Variants in CIT observed in about 807,000 individuals in gnomAD.
CIT encodes the protein citron rho-interacting serine/threonine kinase.
CIT carries 79 observed loss-of-function variants against 272.7 expected under a neutral mutation model. The ratio of observed to expected loss-of-function variants is 0.29; its 90% confidence interval spans 0.24 to 0.35. The LOEUF (loss-of-function observed/expected upper bound fraction) is 0.35. Ranked by LOEUF, CIT falls within the 10% of genes least tolerant of loss-of-function variation. The pLI, the probability that CIT is intolerant of heterozygous loss-of-function variation, is 1.00. For synonymous variants in CIT, 948 were observed against 995.6 expected (o/e 0.95, Z 0.90); for missense variants, 1,909 against 2,618.3 (o/e 0.73, Z 5.91).
At chr12:119,691,116 G>A (rs1246395224) in intron 46 of CIT, among the ~76,000 whole-genome samples, 4 of 142,764 alleles carry the variant, frequency 2.8e-5, no homozygotes, top group Non-Finnish European at 6.0e-5. Context: ...AGGTTGCAGT[G>A]AGCCAAGATC....
intron 10 of CIT, among the ~76,000 whole-genome samples, chr12:119,799,232 T>C (rs1355921748): frequency 6.6e-6 from 1 of 152,230 alleles, no homozygotes; most frequent in Non-Finnish European, 1.5e-5. Context: ...TATACATACA[T>C]GGACTAGTGT....
intron 25 of CIT, among the ~76,000 whole-genome samples, chr12:119,734,745 T>C (rs532314703): frequency 5.9e-5 from 9 of 152,208 alleles, no homozygotes; most frequent in Admixed American, 2.0e-4. Flanking sequence ...CAAGCGTTCC[T>C]CCCGCCTCAG....
chr12:119,867,129 T>C (rs969762656), intron 3 of CIT, among the ~76,000 whole-genome samples: 2 of 151,844 alleles, frequency 1.3e-5, no homozygotes, highest in Non-Finnish European at 2.9e-5. Flanking sequence ...GCCAATGTAA[T>C]ACAGAGCAGA....
intron 15 of CIT, 67 bp downstream of exon 15, chr12:119,776,291 T>A: frequency 8.3e-7 from 1 of 1,202,522 alleles, no homozygotes; most frequent in African/African-American, 1.5e-5. Context: ...GATGGGCCAC[T>A]GATAATAACA....
In CIT at chr12:119,688,018, C is replaced by T; in HGVS notation, c.*214G>A. On this transcript the variant is annotated 3_prime_UTR_variant, in exon 48 of 48. Transcript: ENST00000392521. ...GCAAAGAGATGACTGCAGGGAGGTG[C>T]CCAGGGCAGGCACCGGGCGCTGACA... 1.6e-6 allele frequency: 1 copy of T among 608,802 alleles called. No individual in the cohort carries two copies. Among genetic ancestry groups the T allele is most frequent in the Non-Finnish European group, 2.9e-6 (1 of 339,116 alleles). 37.7% of individuals were successfully genotyped at this position (608,802 alleles called of 1,614,324 possible).
chr12:119,865,799 T>C (rs916004525), intron 3 of CIT, among the ~76,000 whole-genome samples: 1 of 138,604 alleles, frequency 7.2e-6, no homozygotes, highest in Non-Finnish European at 1.5e-5. Flanking sequence ...GAACCCGGGA[T>C]GCGGAGGTTG....
At chr12:119,833,663 CAAAAAAAAAA>C (rs35433156) in intron 6 of CIT, among the ~76,000 whole-genome samples, 19 of 83,812 alleles carry the variant, frequency 2.3e-4, no homozygotes, top group Admixed American at 1.1e-3. Context: ...GACTCTGTCT[CAAAAAAAAAA>C]AAAAAAAAAA....
In CIT at chr12:119,822,829, T is replaced by C; in HGVS notation, c.1102A>G (p.Ile368Val). 1.9e-6 allele frequency: 3 copies of C among 1,614,112 alleles called. No individual in the cohort carries two copies. Among genetic ancestry groups the C allele is most frequent in the Non-Finnish European group, 2.5e-6 (3 of 1,180,018 alleles). ...AAACAGCCCTACTTACAGTTACGAA[T>C]GTTGTTCCAGTCAATTTTAGAGAAG... ...PFFSKIDWNNIRNSPPPFVPT... is the reference protein window; with the variant it reads ...PFFSKIDWNNVRNSPPPFVPT... Residue 368 changes from isoleucine (I) to valine (V), a missense_variant, in exon 9 of 48, where the codon ATT (isoleucine) becomes GTT (valine). Ile to Val is a conservative substitution (Grantham distance 29). Around this residue, in one of 8 missense-constraint regions of CIT, gnomAD observed 529 missense variants for 549.6 expected, o/e 0.96. Transcript: ENST00000392521.
At chr12:119,852,643 G>A (rs1274731991) in intron 4 of CIT, among the ~76,000 whole-genome samples, 1 of 151,908 alleles carries the variant, frequency 6.6e-6, no homozygotes, top group Non-Finnish European at 1.5e-5. Context: ...AGAGGTTGCA[G>A]TGAGCTGAGA....
chr12:119,724,294 T>A (rs1029743578), intron 28 of CIT, among the ~76,000 whole-genome samples: 1 of 152,168 alleles, frequency 6.6e-6, no homozygotes, highest in Non-Finnish European at 1.5e-5. Context: ...TAATTAAACA[T>A]TAGTTATTTT....
chr12:119,768,646 T>G lies in CIT; in HGVS notation c.2209-1464A>C. 6.6e-6 allele frequency among the ~76,000 whole-genome samples: 1 copy of G among 152,356 alleles called. No individual in the cohort carries two copies. The highest frequency in any genetic ancestry group is 1.9e-4 in the East Asian group (1 of 5,192). On this transcript the variant is annotated intron_variant, in intron 18 of 47. Transcript: ENST00000392521. This position sits in a 1 kb window ranked among gnomAD's most constrained non-coding sequence, Gnocchi z 4.3. The stretch of plus-strand genomic sequence containing the variant: ...TTAAGACCAGGTGCACAAGATCTAC[T>G]GCAATTCAATAGATGTGATCTTGAA...
rs898189550 is a variant in CIT at position 119,710,928 on chromosome 12, G to A, written c.4855-308C>T. 1 of 787,354 alleles carries A rather than the reference G, an allele frequency of 1.3e-6. No individual in the cohort carries two copies. The highest frequency in any genetic ancestry group is 2.4e-5 in the Admixed American group (1 of 42,490). The allele number at this position is 787,354 out of a possible 1,614,324, so 48.8% of individuals were successfully genotyped here. On this transcript the variant is annotated intron_variant, in intron 37 of 47. Coordinates refer to ENST00000392521, the MANE Select transcript of CIT (RefSeq NM_001206999.2). The surrounding 1 kb of genome is among the most constrained non-coding windows in gnomAD (Gnocchi z 5.6). ...GTAATAAGAAATAAGCTGAAGCTAA[G>A]GAGATTTCACCTGCGCAGGGTTAAT... is the stretch of plus-strand genomic sequence containing the variant.
At position 119,789,981 on chromosome 12, in the gene CIT, T is replaced by C. The variant is rs191937179; in HGVS notation, c.1296-4916A>G. On this transcript the variant is annotated intron_variant, in intron 10 of 47. Transcript: ENST00000392521. The stretch of plus-strand genomic sequence containing the variant: ...TGCCCGCCTCAGCCTCCCAAAGTGC[T>C]GGGATTACAGGGGTGAGCCACTGCA... 2.9e-3 allele frequency among the ~76,000 whole-genome samples: 440 copies of C among 152,148 alleles called. 3 individuals carry two copies. The highest frequency in any genetic ancestry group is 5.0e-3 in the Non-Finnish European group (337 of 68,008).
In CIT at chr12:119,875,287, A is replaced by G. The variant is rs140533980; in HGVS notation, c.96+786T>C. Among the ~76,000 whole-genome samples the G allele has an allele frequency of 8.3e-4, 127 of 152,336 alleles. 1 individual carries two copies. Among genetic ancestry groups the G allele is most frequent in the African/African-American group, 2.5e-3 (102 of 41,580 alleles). ...CAATGCACTCCAGCCTGAGCCACAG[A>G]GCAAGACCCTGTCTTGCAAGCAACC... On this transcript the variant is annotated intron_variant, in intron 2 of 47. Transcript: ENST00000392521.
At chr12:119,721,514 T>C in intron 28 of CIT, 65 bp from the exon 29 acceptor site, 2 of 1,421,312 alleles carry the variant, frequency 1.4e-6, no homozygotes, top group Non-Finnish European at 1.9e-6. Context: ...TCCCCTGCTG[T>C]TCCTATTTCA....
intron 24 of CIT, among the ~76,000 whole-genome samples, chr12:119,738,175 C>T (rs1958878100): frequency 6.6e-6 from 1 of 152,192 alleles, no homozygotes; most frequent in Non-Finnish European, 1.5e-5. Flanking sequence ...CAAGAATCTA[C>T]ATTCTTGCCC....
At chr12:119,793,656 C>T (rs1965500280) in intron 10 of CIT, among the ~76,000 whole-genome samples, 1 of 152,222 alleles carries the variant, frequency 6.6e-6, no homozygotes, top group Admixed American at 6.5e-5. Context: ...TAGTGGCAGC[C>T]TCAGGGCCTT....
chr12:119,794,540 C>T (rs1965567404), intron 10 of CIT, among the ~76,000 whole-genome samples: 1 of 152,194 alleles, frequency 6.6e-6, no homozygotes, highest in Non-Finnish European at 1.5e-5. Context: ...GAGCATGTGA[C>T]ATCTAGGCTG....
At chr12:119,724,038 C>T (rs1481146761) in intron 28 of CIT, among the ~76,000 whole-genome samples, 1 of 152,186 alleles carries the variant, frequency 6.6e-6, no homozygotes, top group Non-Finnish European at 1.5e-5. Flanking sequence ...CTCTTATAAT[C>T]CTAGCACTTT....
Sources: allele counts gnomAD v4.1 joint callset (sites outside exome capture counted in the v4.1 genomes callset), GRCh38; gene constraint gnomAD v4.1.1; regional missense constraint gnomAD v4.1.1; non-coding constraint Gnocchi (gnomAD v3.1); transcripts MANE v1.5; gene names NCBI Gene and HGNC (gene_info 2026-07-23, HGNC 2026-07-21).